The following CRACR2A variants were observed in gnomAD, a reference collection of about 807,000 sequenced individuals.
The protein encoded by CRACR2A is calcium release activated channel regulator 2A, also known as EF-hand calcium-binding domain-containing protein 4B.
Under a neutral mutation model 90.5 loss-of-function variants are expected in CRACR2A, and 79 were observed. The observed-to-expected ratio is 0.87, with a 90% CI of 0.73 to 1.05. The LOEUF is 1.05. Ranked by LOEUF, CRACR2A falls within the 50% of genes least tolerant of loss-of-function variation. CRACR2A has a pLI of 0.00. For synonymous variants in CRACR2A, 338 were observed against 356.7 expected (o/e 0.95, Z 0.59); for missense variants, 823 against 897.2 (o/e 0.92, Z 1.06).
At chr12:3,696,337 CG>C (rs1565492922) in intron 4 of CRACR2A, among the ~76,000 whole-genome samples, 1 of 152,206 alleles carries the variant, frequency 6.6e-6, no homozygotes, top group African/African-American at 2.4e-5. Context: ...GGTTTGAAGG[CG>C]AGACATGGGT....
intron 5 of CRACR2A, among the ~76,000 whole-genome samples, chr12:3,679,319 G>A (rs1945401919): frequency 6.6e-6 from 1 of 152,196 alleles, no homozygotes; most frequent in South Asian, 2.1e-4. Flanking sequence ...TAGAATCTGG[G>A]AATGGCAGAA....
chr12:3,701,250 T>C (rs953386830), intron 3 of CRACR2A, among the ~76,000 whole-genome samples: 1 of 151,602 alleles, frequency 6.6e-6, no homozygotes, highest in South Asian at 2.1e-4. Flanking sequence ...TCATATATAC[T>C]TGGAAAGAAG....
intron 2 of CRACR2A, chr12:3,729,528 C>T (rs1461021933): frequency 6.6e-6 from 1 of 152,226 alleles, no homozygotes; most frequent in African/African-American, 2.4e-5. Context: ...TATAGTGAAA[C>T]CCCATCTGTA....
chr12:3,686,947 C>T (rs1478163859), intron 4 of CRACR2A, among the ~76,000 whole-genome samples: 1 of 152,152 alleles, frequency 6.6e-6, no homozygotes, highest in Admixed American at 6.5e-5. Context: ...ACATTGGGCT[C>T]ATCCTGGGTT....
chr12:3,657,236 C>T (rs1026325486), intron 8 of CRACR2A, among the ~76,000 whole-genome samples: 3 of 152,382 alleles, frequency 2.0e-5, no homozygotes, highest in African/African-American at 7.2e-5. Context: ...CAAAAATACC[C>T]ATGCCATCTG....
chr12:3,640,495 A>T, intron 13 of CRACR2A: 1 of 1,195,640 alleles, frequency 8.4e-7, no homozygotes, highest in South Asian at 1.6e-5. Flanking sequence ...CACAGTAGGT[A>T]ATCAGTAAAC....
intron 2 of CRACR2A, chr12:3,727,055 T>TAAGG (rs1946279878): frequency 6.9e-6 from 1 of 144,456 alleles, no homozygotes; most frequent in African/African-American, 2.6e-5. Flanking sequence ...CTCGGGAGGC[T>TAAGG]AAGGTGGGAG....
At chr12:3,616,597 T>C (rs1056495606) in intron 19 of CRACR2A, among the ~76,000 whole-genome samples, 6 of 152,228 alleles carry the variant, frequency 3.9e-5, no homozygotes, top group African/African-American at 1.2e-4. Flanking sequence ...AGCTAGTCCC[T>C]GCTAAGACAT....
intron 9 of CRACR2A, among the ~76,000 whole-genome samples, chr12:3,655,411 G>A (rs1944883811): frequency 1.3e-5 from 2 of 152,216 alleles, no homozygotes; most frequent in African/African-American, 4.8e-5. Context: ...TTGGGTAGCA[G>A]CAGCAGTGGA....
At chr12:3,731,477 T>G (rs1482783220) in intron 2 of CRACR2A, 1 of 152,248 alleles carries the variant, frequency 6.6e-6, no homozygotes, top group Admixed American at 6.5e-5. Context: ...ACCTCTCTAG[T>G]GAATGCTGAG....
At position 3,627,540 on chromosome 12, in the gene CRACR2A, T is replaced by A. The variant is rs201546123; in HGVS notation, c.1828A>T (p.Ile610Phe). The A allele has an allele frequency of 1.7e-4, 257 of 1,551,578 alleles. No homozygotes were observed. The highest frequency in any genetic ancestry group is 3.1e-4 in the South Asian group (26 of 84,056). Reference sequence around the variant, plus strand: ...GCCTTTCTGAAGAACTGCTGGGTGATGCACCGGTACCTGCCACAGAAGGGC... The same window carrying A: ...GCCTTTCTGAAGAACTGCTGGGTGAAGCACCGGTACCTGCCACAGAAGGGC... The part of the protein sequence containing the change: ...DTAGQERYRC[I>F]TQQFFRKADG... Residue 610 changes from isoleucine to phenylalanine, a missense_variant, in exon 17 of 20, where the codon ATC (isoleucine) becomes TTC (phenylalanine). Coordinates refer to ENST00000440314, the MANE Select transcript of CRACR2A (RefSeq NM_001144958.2).
At chr12:3,638,913 G>A (rs1431716462) in intron 13 of CRACR2A, among the ~76,000 whole-genome samples, 1 of 152,198 alleles carries the variant, frequency 6.6e-6, no homozygotes, top group African/African-American at 2.4e-5. Flanking sequence ...GATGACCTTG[G>A]CTCTGCCCCC....
intron 3 of CRACR2A, among the ~76,000 whole-genome samples, chr12:3,704,175 C>T (rs1320595115): frequency 6.6e-6 from 1 of 152,084 alleles, no homozygotes; most frequent in Non-Finnish European, 1.5e-5. Context: ...TGTTCGTTGA[C>T]AGGTAAATGG....
chr12:3,682,869 G>A (rs1441846449), intron 4 of CRACR2A, among the ~76,000 whole-genome samples: 1 of 150,944 alleles, frequency 6.6e-6, no homozygotes, highest in Non-Finnish European at 1.5e-5. Flanking sequence ...TGCAACCTCC[G>A]CCTCCCGGGT....
At position 3,716,809 on chromosome 12, in the gene CRACR2A, C is replaced by T. The variant is rs551522553; in HGVS notation, c.-117-3492G>A. Among the ~76,000 whole-genome samples the T allele has an allele frequency of 6.8e-4, 103 of 152,292 alleles. 1 individual carries two copies. The highest frequency in any genetic ancestry group is 2.5e-3 in the African/African-American group (102 of 41,566). ...AGAATTTGTGTTGCTTTGATAGGGG[C>T]TCTTTTCAAACTGATGTCTTTTCCT... is the stretch of plus-strand genomic sequence containing the variant. On this transcript the variant is annotated intron_variant, in intron 2 of 19. Transcript: ENST00000440314.
At chr12:3,640,431 C>T in intron 13 of CRACR2A, 1 of 955,600 alleles carries the variant, frequency 1.0e-6, no homozygotes, top group East Asian at 6.3e-5. Flanking sequence ...ATGGTAGGAC[C>T]TCATGTCTAA....
intron 1 of CRACR2A, among the ~76,000 whole-genome samples, chr12:3,752,123 G>A (rs1482836053): frequency 2.0e-5 from 3 of 152,134 alleles, no homozygotes; most frequent in Admixed American, 1.3e-4. Flanking sequence ...ACCACCCTGG[G>A]GACTCCCACG....
At position 3,633,806 on chromosome 12, in the gene CRACR2A, G is replaced by T. The variant is rs1217574323; in HGVS notation, c.1603-70C>A. 3 of 1,543,128 alleles carry T rather than the reference G, an allele frequency of 1.9e-6. No individual in the cohort carries two copies. The highest frequency in any genetic ancestry group is 2.6e-6 in the Non-Finnish European group (3 of 1,144,242). Reference sequence around the variant, plus strand: ...CCAGCCCCTGCCCCTGCCACCAGAGGCCCTTTACCCATCCCTACAGTGGCC... The same window carrying T: ...CCAGCCCCTGCCCCTGCCACCAGAGTCCCTTTACCCATCCCTACAGTGGCC... On this transcript the variant is annotated intron_variant, in intron 14 of 19. Coordinates refer to ENST00000440314, the MANE Select transcript of CRACR2A (RefSeq NM_001144958.2). This position sits in a 1 kb window ranked among gnomAD's most constrained non-coding sequence, Gnocchi z 4.5.
At chr12:3,673,649 C>T (rs1279805014) in intron 6 of CRACR2A, 57 bp from the exon 7 acceptor site, 5 of 1,578,714 alleles carry the variant, frequency 3.2e-6, no homozygotes, top group African/African-American at 1.4e-5. Context: ...ACGGGAAATA[C>T]AGAGGTTCCC....
Sources: allele counts gnomAD v4.1 joint callset (sites outside exome capture counted in the v4.1 genomes callset), GRCh38; gene constraint gnomAD v4.1.1; non-coding constraint Gnocchi (gnomAD v3.1); transcripts MANE v1.5; gene names NCBI Gene and HGNC (gene_info 2026-07-23, HGNC 2026-07-21).